Variants in RP1 observed in about 807,000 individuals in gnomAD.
RP1 encodes the protein oxygen-regulated protein 1.
In RP1, 16 loss-of-function variants were observed where a neutral mutation model predicts 14.8. That is an observed-to-expected ratio of 1.08 (90% CI 0.73 to 1.65). The LOEUF is 1.65. Ranked by LOEUF, RP1 falls within the 40% of genes most tolerant of loss-of-function variation. The pLI is 0.00. For synonymous variants in RP1, 876 were observed against 883.6 expected, an observed-to-expected ratio of 0.99 and a Z score of 0.15; for missense variants, 2,631 against 2,535.0, an observed-to-expected ratio of 1.04 and a Z score of -0.81.
intron 24 of RP1, among the ~76,000 whole-genome samples, chr8:54,789,266 C>T (rs546224769): frequency 3.9e-5 from 6 of 152,324 alleles, no homozygotes; most frequent in African/African-American, 1.4e-4. Flanking sequence ...ACTAGTGGTA[C>T]TGTCTGGCTA....
chr8:54,567,362 A>C (rs1269701113), intron 1 of RP1, among the ~76,000 whole-genome samples: 1 of 152,144 alleles, frequency 6.6e-6, no homozygotes, highest in Non-Finnish European at 1.5e-5. Context: ...AGAGCCTAAT[A>C]CCTTTCAGGA....
intron 1 of RP1, among the ~76,000 whole-genome samples, chr8:54,593,712 G>A (rs1805085853): frequency 6.6e-6 from 1 of 152,194 alleles, no homozygotes; most frequent in East Asian, 1.9e-4. Context: ...TAAAGGGTAG[G>A]GCCGTCAATG....
chr8:54,733,451 T>G (rs768669593), intron 17 of RP1, among the ~76,000 whole-genome samples: 1 of 152,200 alleles, frequency 6.6e-6, no homozygotes, highest in African/African-American at 2.4e-5. Context: ...TAAAAATGAA[T>G]GTCAGTTCTT....
intron 16 of RP1, among the ~76,000 whole-genome samples, chr8:54,723,258 A>G (rs1322464523): frequency 6.6e-6 from 1 of 152,220 alleles, no homozygotes; most frequent in Non-Finnish European, 1.5e-5. Context: ...ATTTGCTGTT[A>G]TGATTATTAA....
chr8:54,845,133 C>T (rs1232556549), intron 25 of RP1, among the ~76,000 whole-genome samples: 2 of 152,188 alleles, frequency 1.3e-5, no homozygotes, highest in Non-Finnish European at 2.9e-5. Flanking sequence ...TGGGTGGCCC[C>T]TGGGGTGAAC....
At chr8:54,827,327 TGTA>T (rs1811405647) in intron 24 of RP1, among the ~76,000 whole-genome samples, 1 of 136,976 alleles carries the variant, frequency 7.3e-6, no homozygotes, top group Non-Finnish European at 1.6e-5. Flanking sequence ...TTCTTTATAG[TGTA>T]TTTTTTTTTT....
intron 1 of RP1, among the ~76,000 whole-genome samples, chr8:54,564,320 G>T (rs1027210312): frequency 6.6e-6 from 1 of 152,174 alleles, no homozygotes; most frequent in Non-Finnish European, 1.5e-5. Context: ...GCAGAGGGGT[G>T]GGGTGAGGAC....
chr8:54,781,061 A>G (rs1810174001), intron 23 of RP1: 1 of 984,122 alleles, frequency 1.0e-6, no homozygotes, highest in Admixed American at 6.2e-5. Context: ...AAAGGAAAGT[A>G]AGCCTCCTAA....
At chr8:54,737,568 A>G (rs1808964236) in intron 18 of RP1, among the ~76,000 whole-genome samples, 1 of 152,112 alleles carries the variant, frequency 6.6e-6, no homozygotes. Context: ...GAGTTCTGCC[A>G]CTGAAACCAG....
chr8:54,837,796 A>G (rs1811698546), intron 25 of RP1: 7 of 478,158 alleles, frequency 1.5e-5, no homozygotes, highest in Non-Finnish European at 2.3e-5. Context: ...CGTGGGCTAT[A>G]AAGTCTCTGC....
intron 3 of RP1, 22 bp from the exon 4 acceptor site, chr8:54,624,648 T>C (rs1216775722): frequency 6.2e-7 from 1 of 1,613,106 alleles, no homozygotes; most frequent in Non-Finnish European, 8.5e-7. Flanking sequence ...GTGGGCACCT[T>C]TTACTCTTAA....
At chr8:54,869,357 T>C (rs2129331003) in intron 28 of RP1, among the ~76,000 whole-genome samples, 1 of 152,336 alleles carries the variant, frequency 6.6e-6, no homozygotes, top group Non-Finnish European at 1.5e-5. Context: ...GATTACATGT[T>C]GAAATAATAA....
At position 54,584,777 on chromosome 8, in the gene RP1, T is replaced by A. The variant is rs529535856; in HGVS notation, c.-13+25457T>A. Reference sequence around the variant, plus strand: ...TAATGGCCTTCTTTGTCTCTTTTGATCTTTGTTGGTTTATAGTCTGTTTTA... The same window carrying A: ...TAATGGCCTTCTTTGTCTCTTTTGAACTTTGTTGGTTTATAGTCTGTTTTA... On this transcript the variant is annotated intron_variant, in intron 1 of 22. Coordinates refer to the RP1 transcript ENST00000636932. 5.6e-4 allele frequency among the ~76,000 whole-genome samples: 85 copies of A among 152,326 alleles called. 1 individual carries two copies. In the Middle Eastern group the frequency reaches 0.01, roughly 18 times the overall value.
At chr8:54,633,793 GCCC>G (rs1806298113), downstream of RP1, among the ~76,000 whole-genome samples, 1 of 139,478 alleles carries the variant, frequency 7.2e-6, no homozygotes, top group Non-Finnish European at 1.5e-5. Flanking sequence ...TAGTCATATA[GCCC>G]TTCACAAAAG....
chr8:54,797,153 G>A (rs1585700815), intron 24 of RP1, among the ~76,000 whole-genome samples: 1 of 152,130 alleles, frequency 6.6e-6, no homozygotes, highest in Admixed American at 6.5e-5. Flanking sequence ...ATTTTTGTAT[G>A]TAACACTGCT....
At chr8:54,727,177 G>C (rs111955145) in intron 17 of RP1, among the ~76,000 whole-genome samples, 2 of 152,024 alleles carry the variant, frequency 1.3e-5, no homozygotes, top group African/African-American at 4.8e-5. Flanking sequence ...TAATATAATA[G>C]ACGTCTCTTG....
intron 19 of RP1, among the ~76,000 whole-genome samples, chr8:54,747,900 C>T (rs1809267073): frequency 6.6e-6 from 1 of 152,230 alleles, no homozygotes; most frequent in Non-Finnish European, 1.5e-5. Context: ...AGGCCAATGC[C>T]CCTTCTCTTG....
intron 1 of RP1, among the ~76,000 whole-genome samples, chr8:54,607,446 C>G (rs897334322): frequency 6.6e-6 from 1 of 152,200 alleles, no homozygotes; most frequent in Non-Finnish European, 1.5e-5. Context: ...AGGTGTCAGT[C>G]TGCCCCTACT....
chr8:54,607,164 T>A (rs1805468343), intron 1 of RP1, among the ~76,000 whole-genome samples: 1 of 152,178 alleles, frequency 6.6e-6, no homozygotes, highest in African/African-American at 2.4e-5. Flanking sequence ...TTTTTCCCCA[T>A]CTTTGTGGTT....
Sources: gnomAD v4.1 joint callset for allele counts (sites outside exome capture counted in the v4.1 genomes callset) on GRCh38, gnomAD v4.1.1 for gene constraint, MANE v1.5 for transcripts, NCBI Gene and HGNC (gene_info 2026-07-23, HGNC 2026-07-21) for gene names.